SERPINB8: variants seen among roughly 807,000 people sequenced by gnomAD.
The protein encoded by SERPINB8 is serpin B8.
A neutral mutation model predicts 35.3 loss-of-function variants in SERPINB8; 25 were observed. The ratio of observed to expected loss-of-function variants is 0.71; its 90% CI spans 0.52 to 0.99. The LOEUF (loss-of-function observed/expected upper bound fraction) is 0.99, where lower values mean the gene tolerates loss of function less well. Ranked by LOEUF, SERPINB8 falls within the 50% of genes least tolerant of loss-of-function variation. The pLI is 0.00. For missense variants in SERPINB8, 484 were observed against 446.5 expected (o/e 1.08, Z -0.76); for synonymous variants, 186 against 160.8 (o/e 1.16, Z -1.19).
At position 63,981,856 on chromosome 18, in the gene SERPINB8, C is replaced by A; in HGVS notation, c.424+18C>A. ...GACTGAAGGTGAGACAGTTTCATTT[C>A]TGTTGATTTGGAATTACTATACAAC... On this transcript the variant is annotated intron_variant, in intron 4 of 6. Transcript: ENST00000397985. 6.5e-7 allele frequency: 1 copy of A among 1,546,608 alleles called. No homozygotes were observed. The highest frequency in any genetic ancestry group is 8.9e-7 in the Non-Finnish European group (1 of 1,123,046).
chr18:63,982,722 G>A (rs1201772800), intron 4 of SERPINB8, among the ~76,000 whole-genome samples: 1 of 152,116 alleles, frequency 6.6e-6, no homozygotes, highest in Non-Finnish European at 1.5e-5. Flanking sequence ...GAACCTAGAA[G>A]TTTCTCCACA....
chr18:63,972,785 C>T (rs1008670186), intron 1 of SERPINB8, among the ~76,000 whole-genome samples: 5 of 152,114 alleles, frequency 3.3e-5, no homozygotes, highest in African/African-American at 1.2e-4. Context: ...TGATGGTTTC[C>T]AGCTTCATCC....
chr18:64,003,014 T>A (rs1047206550), intron 1 of SERPINB8, among the ~76,000 whole-genome samples: 2 of 152,168 alleles, frequency 1.3e-5, no homozygotes, highest in Admixed American at 6.5e-5. Context: ...TTCTTGGCCG[T>A]CTGACCGCAT....
chr18:63,988,645 C>T lies in SERPINB8; in HGVS notation c.*1367C>T, dbSNP rs2050797093. Reference sequence around the variant, plus strand: ...TTTATTATTTCTTTAATGAGTTGGACTGAACAGTGGTTAATCCTGACTCTG... The same window carrying T: ...TTTATTATTTCTTTAATGAGTTGGATTGAACAGTGGTTAATCCTGACTCTG... On this transcript the variant is annotated 3_prime_UTR_variant, in exon 7 of 7. Coordinates refer to ENST00000397985, the MANE Select transcript of SERPINB8 (RefSeq NM_002640.4). The T allele has an allele frequency of 6.6e-6, 1 of 152,164 alleles. No homozygotes were observed. Among genetic ancestry groups the T allele is most frequent in the Non-Finnish European group, 1.5e-5 (1 of 68,036 alleles). 9.4% of individuals were successfully genotyped at this position (152,164 alleles called of 1,614,324 possible). A position where few individuals can be genotyped will look rare whatever the true frequency, so the allele number is the denominator to read the frequency against.
chr18:64,001,461 C>CTGTTTG, intron 1 of SERPINB8, among the ~76,000 whole-genome samples: 1 of 145,352 alleles, frequency 6.9e-6, no homozygotes, highest in South Asian at 2.2e-4. Context: ...CTTTTCTTTT[C>CTGTTTG]TGTTTGTTTG....
At chr18:63,998,975 G>C (rs1021889061) in intron 1 of SERPINB8, among the ~76,000 whole-genome samples, 18 of 152,140 alleles carry the variant, frequency 1.2e-4, no homozygotes, top group Admixed American at 5.2e-4. Flanking sequence ...AGAATATTTA[G>C]GTTCACCATT....
rs746797632 is a variant in SERPINB8, at chr18:63,987,686, A to C, written c.*408A>C. 8 of 173,086 alleles carry C rather than the reference A, an allele frequency of 4.6e-5. No individual in the cohort carries two copies. The highest frequency in any genetic ancestry group is 3.0e-4 in the South Asian group (2 of 6,692). 10.7% of individuals were successfully genotyped at this position (173,086 alleles called of 1,614,324 possible). On this transcript the variant is annotated 3_prime_UTR_variant, in exon 7 of 7. Transcript: ENST00000397985. ...GACACTGCACACAAAGCCAAGGGCA[A>C]ACCCTATAGAGTAAAGCTGCAGCCA... is the stretch of plus-strand genomic sequence containing the variant.
chr18:63,973,334 GGTT>G (rs1320587269), intron 1 of SERPINB8, among the ~76,000 whole-genome samples: 1 of 152,054 alleles, frequency 6.6e-6, no homozygotes, highest in Non-Finnish European at 1.5e-5. Flanking sequence ...TTTTTGATGG[GGTT>G]GTTTGTTTTT....
intron 1 of SERPINB8, among the ~76,000 whole-genome samples, chr18:63,974,008 T>C (rs569879858): frequency 1.4e-4 from 21 of 152,344 alleles, no homozygotes; most frequent in Non-Finnish European, 2.1e-4. Flanking sequence ...AAGTAGTTTT[T>C]TCCAATTCTG....
chr18:64,004,816 C>T (rs2050892366), intron 1 of SERPINB8: 1 of 398,536 alleles, frequency 2.5e-6, no homozygotes, highest in Middle Eastern at 6.3e-4. Context: ...TGCCTCCTAA[C>T]AGGATACACT....
At position 63,981,831 on chromosome 18, in the gene SERPINB8, G is replaced by T. The variant is rs753381057; in HGVS notation, c.417G>T (p.Lys139Asn). Reference protein sequence around the residue: ...RKHINDWVAEKTEGKISEVLD... With the variant: ...RKHINDWVAENTEGKISEVLD... ...ATATAAATGACTGGGTGGCAGAGAAGACTGAAGGTGAGACAGTTTCATTTC... is the reference window on the plus strand; with the variant it reads ...ATATAAATGACTGGGTGGCAGAGAATACTGAAGGTGAGACAGTTTCATTTC... The change falls in exon 4 of 7, where the codon AAG becomes AAT. Residue 139 changes from lysine (K) to asparagine (N), a missense_variant. By Grantham distance (94) the Lys-to-Asn change is moderately conservative (BLOSUM62 0). Transcript: ENST00000397985. 1.2e-6 allele frequency: 2 copies of T among 1,602,038 alleles called. No individual in the cohort carries two copies. The highest frequency in any genetic ancestry group is 1.7e-6 in the Non-Finnish European group (2 of 1,170,520).
chr18:64,003,227 G>T (rs1323031432), intron 1 of SERPINB8, among the ~76,000 whole-genome samples: 2 of 152,114 alleles, frequency 1.3e-5, no homozygotes, highest in Non-Finnish European at 2.9e-5. Flanking sequence ...GCTGAGTTGG[G>T]GCCACCGGGA....
intron 5 of SERPINB8, 79 bp from the exon 6 acceptor site, chr18:63,985,014 G>A: frequency 7.0e-7 from 1 of 1,438,006 alleles, no homozygotes; most frequent in Non-Finnish European, 9.6e-7. Context: ...CACACCTAGA[G>A]TTTCTGTGAG....
At chr18:64,001,431 C>T (rs767415308) in intron 1 of SERPINB8, among the ~76,000 whole-genome samples, 3 of 151,916 alleles carry the variant, frequency 2.0e-5, no homozygotes, top group Admixed American at 1.3e-4. Flanking sequence ...AGGAGGCACT[C>T]GATTTAAGGA....
At chr18:63,974,337 C>T (rs1035393506) in intron 1 of SERPINB8, among the ~76,000 whole-genome samples, 14 of 152,164 alleles carry the variant, frequency 9.2e-5, no homozygotes, top group African/African-American at 3.1e-4. Flanking sequence ...GAACATTCTA[C>T]ATAAATGCTC....
chr18:63,997,695 G>T (rs2050856811), intron 1 of SERPINB8, among the ~76,000 whole-genome samples: 1 of 152,164 alleles, frequency 6.6e-6, no homozygotes, highest in South Asian at 2.1e-4. Flanking sequence ...CTGACTCATG[G>T]GCTGTAGTTA....
chr18:64,015,206 C>G (rs1216181483), intron 7 of SERPINB8, among the ~76,000 whole-genome samples: 1 of 152,132 alleles, frequency 6.6e-6, no homozygotes, highest in East Asian at 1.9e-4. Context: ...GGACAAATAC[C>G]AGGGTCCAGC....
intron 1 of SERPINB8, among the ~76,000 whole-genome samples, chr18:63,996,629 A>G (rs1026061039): frequency 6.6e-6 from 1 of 152,224 alleles, no homozygotes; most frequent in Non-Finnish European, 1.5e-5. Flanking sequence ...CACTCTATTG[A>G]TGACATCCTC....
At chr18:63,972,729 A>T (rs2050508160) in intron 1 of SERPINB8, among the ~76,000 whole-genome samples, 1 of 141,766 alleles carries the variant, frequency 7.1e-6, no homozygotes, top group Non-Finnish European at 1.5e-5. Flanking sequence ...TATGAGTGAG[A>T]ACATGTGGTG....
Sources: gnomAD v4.1 joint callset for allele counts (sites outside exome capture counted in the v4.1 genomes callset) on GRCh38, gnomAD v4.1.1 for gene constraint, MANE v1.5 for transcripts, NCBI Gene and HGNC (gene_info 2026-07-23, HGNC 2026-07-21) for gene names.